The following SYTL5 variants were observed in gnomAD, a reference collection of about 807,000 sequenced individuals.
The protein encoded by SYTL5 is synaptotagmin like 5, also known as synaptotagmin-like protein 5.
SYTL5 carries 34 observed loss-of-function variants against 55.9 expected under a neutral mutation model. That is an observed-to-expected ratio of 0.61 (90% CI 0.46 to 0.81). SYTL5 has a LOEUF of 0.81. Ranked by LOEUF, SYTL5 falls within the 30% of genes least tolerant of loss-of-function variation. The pLI, the probability that SYTL5 is intolerant of heterozygous loss-of-function variation, is 0.00. For missense variants in SYTL5, 637 were observed against 546.7 expected (o/e 1.17, Z -1.65); for synonymous variants, 221 against 188.7 (o/e 1.17, Z -1.40).
At chrX:38,063,304 C>T (rs1936006718) in intron 3 of SYTL5, among the ~76,000 whole-genome samples, 1 of 111,652 alleles carries the variant, frequency 9.0e-6, no homozygotes, top group Admixed American at 9.5e-5. Context: ...TCTTGAATGG[C>T]AAGAAGCTAT....
At chrX:38,081,426 A>C (rs186993856) in intron 6 of SYTL5, among the ~76,000 whole-genome samples, 1 of 111,964 alleles carries the variant, frequency 8.9e-6, no homozygotes, top group African/African-American at 3.3e-5. Flanking sequence ...GTTGCAAAAA[A>C]AAAAGAACTT....
the SYTL5 span, among the ~76,000 whole-genome samples, chrX:37,915,990 C>CT: frequency 9.9e-5 from 11 of 110,599 alleles, no homozygotes; most frequent in South Asian, 3.9e-4. Context: ...CCTCACAGAT[C>CT]TTTTTTTTTA....
chrX:38,008,082 G>A (rs1003113509), intron 1 of SYTL5, among the ~76,000 whole-genome samples: 4 of 110,904 alleles, frequency 3.6e-5, no homozygotes, highest in African/African-American at 1.3e-4. Flanking sequence ...GTATGTTAAG[G>A]GAAGGAAAAG....
intron 15 of SYTL5, among the ~76,000 whole-genome samples, 167 bp from the exon 16 acceptor site, chrX:38,125,131 C>T (rs751660151): frequency 4.5e-5 from 5 of 111,974 alleles, no homozygotes; most frequent in Non-Finnish European, 9.4e-5. Flanking sequence ...GGGCATTTTA[C>T]TAATGTCCCA....
At chrX:38,089,658 G>A in intron 7 of SYTL5, 71 bp downstream of exon 7, 1 of 1,058,424 alleles carries the variant, frequency 9.4e-7, no homozygotes, top group Non-Finnish European at 1.3e-6. Flanking sequence ...GCCAGAGATT[G>A]GGTAATTTAT....
the SYTL5 span, among the ~76,000 whole-genome samples, chrX:37,941,018 A>C: frequency 2.7e-5 from 3 of 111,967 alleles, no homozygotes; most frequent in Admixed American, 9.5e-5. Context: ...GTTACTATGA[A>C]TCAGTGGTAG....
intron 2 of SYTL5, among the ~76,000 whole-genome samples, chrX:38,036,271 A>C (rs1227061246): frequency 1.8e-5 from 2 of 111,321 alleles, no homozygotes; most frequent in African/African-American, 6.5e-5. Flanking sequence ...GTGCCATTGC[A>C]CTCCAGCCTG....
chrX:38,047,014 C>T (rs1024429524), intron 2 of SYTL5, among the ~76,000 whole-genome samples: 2 of 112,309 alleles, frequency 1.8e-5, no homozygotes, highest in African/African-American at 6.5e-5. Flanking sequence ...TCTTGGGCAG[C>T]TCCACCCTTG....
chrX:38,060,521 A>G (rs1038726568), intron 3 of SYTL5, among the ~76,000 whole-genome samples: 6 of 112,022 alleles, frequency 5.4e-5, no homozygotes, highest in African/African-American at 1.6e-4. Flanking sequence ...GTAGGTACTC[A>G]ATGAATACTT....
chrX:38,023,938 AAAAG>A (rs1934659617), intron 1 of SYTL5: 2 of 109,603 alleles, frequency 1.8e-5, no homozygotes, highest in African/African-American at 6.7e-5. Flanking sequence ...TTTTACCATT[AAAAG>A]TAATAGCAAA....
chrX:37,898,436 G>T, the SYTL5 span, among the ~76,000 whole-genome samples: 970 of 112,015 alleles, frequency 8.7e-3, 7 homozygotes, highest in African/African-American at 0.029. Flanking sequence ...CCTTGTCAAG[G>T]TTCGATGGTT....
At chrX:37,896,548 G>A in the SYTL5 span, among the ~76,000 whole-genome samples, 1 of 111,572 alleles carries the variant, frequency 9.0e-6, no homozygotes, top group Non-Finnish European at 1.9e-5. Context: ...CTGGTTCGCT[G>A]GGGCTTACTG....
chrX:38,092,103 G>T (rs1936813707), intron 7 of SYTL5, among the ~76,000 whole-genome samples: 1 of 112,140 alleles, frequency 8.9e-6, no homozygotes, highest in South Asian at 3.7e-4. Flanking sequence ...GCATTAGATG[G>T]CAAGTATATA....
At chrX:38,097,425 G>T (rs1485887108) in intron 9 of SYTL5, among the ~76,000 whole-genome samples, 1 of 109,635 alleles carries the variant, frequency 9.1e-6, no homozygotes, top group Non-Finnish European at 1.9e-5. Flanking sequence ...ATGATCAATT[G>T]GAAAATGAAA....
intron 1 of SYTL5, among the ~76,000 whole-genome samples, chrX:38,007,695 A>T (rs1296486386): frequency 1.8e-5 from 2 of 111,575 alleles, no homozygotes; most frequent in Non-Finnish European, 3.8e-5. Context: ...AAAGTGTTAC[A>T]ATTCATACCC....
At position 38,094,504 on chromosome X, in the gene SYTL5, T is replaced by C. The variant is rs1250640917; in HGVS notation, c.961+80T>C. ...ATTGACTGCTATGTGTGGTATTAAG[T>C]GGATGTTTCATCCTTTAAAAAATAA... is the stretch of plus-strand genomic sequence containing the variant. On this transcript the variant is annotated intron_variant, in intron 8 of 16. Transcript: ENST00000297875. 5 of 1,025,709 alleles carry C rather than the reference T, an allele frequency of 4.9e-6. No homozygotes were observed. The African/African-American group carries it at 7.4e-5, about 15-fold the overall frequency. 84.5% of individuals were successfully genotyped at this position (1,025,709 alleles called of 1,213,427 possible). A position where few individuals can be genotyped will look rare whatever the true frequency, so the allele number is the denominator to read the frequency against.
the SYTL5 span, among the ~76,000 whole-genome samples, chrX:37,991,643 C>T: frequency 9.0e-6 from 1 of 111,396 alleles, no homozygotes; most frequent in Non-Finnish European, 1.9e-5. Context: ...CAGACTCTGA[C>T]TGAGGTGCAG....
the SYTL5 span, chrX:37,949,427 A>G: frequency 9.0e-6 from 1 of 111,693 alleles, no homozygotes; most frequent in Non-Finnish European, 1.9e-5. Flanking sequence ...GGTTTATATC[A>G]TTGCAGTTTG....
chrX:38,107,073 T>C (rs1169092338), intron 11 of SYTL5, among the ~76,000 whole-genome samples: 1 of 112,512 alleles, frequency 8.9e-6, no homozygotes, highest in African/African-American at 3.2e-5. Context: ...CAAAAGCATC[T>C]TGTCGATTTC....
Sources: allele counts gnomAD v4.1 joint callset (sites outside exome capture counted in the v4.1 genomes callset), GRCh38; gene constraint gnomAD v4.1.1; transcripts MANE v1.5; gene names NCBI Gene and HGNC (gene_info 2026-07-23, HGNC 2026-07-21).